The following QTGAL variants were observed in gnomAD, a reference collection of about 807,000 sequenced individuals.
QTGAL encodes BGnT-like protein 1.
At chr17:83,044,676 G>A in the QTGAL span, among the ~76,000 whole-genome samples, 3 of 152,250 alleles carry the variant, frequency 2.0e-5, no homozygotes, top group South Asian at 6.2e-4. Flanking sequence ...AGGCGCGGCG[G>A]CTCACGCCTG....
the QTGAL span, among the ~76,000 whole-genome samples, chr17:83,037,436 C>T: frequency 6.6e-6 from 1 of 152,238 alleles, no homozygotes; most frequent in East Asian, 1.9e-4. The surrounding 1 kb of genome is among the most constrained non-coding windows in gnomAD (Gnocchi z 5.2). Flanking sequence ...TAAAGTTTAG[C>T]CAGCTCAACC....
chr17:82,944,772 G>C, the QTGAL span: 1 of 152,228 alleles, frequency 6.6e-6, no homozygotes, highest in African/African-American at 2.4e-5. Flanking sequence ...TGGAGATCCT[G>C]AGGGTTTCTG....
At chr17:83,033,247 T>C in the QTGAL span, among the ~76,000 whole-genome samples, 10 of 152,326 alleles carry the variant, frequency 6.6e-5, no homozygotes, top group Admixed American at 5.2e-4. Flanking sequence ...GACTCCCCCA[T>C]GGAGACCTGC....
At chr17:83,042,224 A>G in the QTGAL span, among the ~76,000 whole-genome samples, 2 of 152,218 alleles carry the variant, frequency 1.3e-5, no homozygotes, top group Admixed American at 6.5e-5. Context: ...AAACTTACGC[A>G]GGCGTGCTGG....
At chr17:82,999,107 A>G in the QTGAL span, among the ~76,000 whole-genome samples, 1 of 152,364 alleles carries the variant, frequency 6.6e-6, no homozygotes, top group Non-Finnish European at 1.5e-5. Context: ...TCCCTACCAT[A>G]TGAACCAGCC....
chr17:82,954,521 C>T, the QTGAL span, among the ~76,000 whole-genome samples: 2 of 152,054 alleles, frequency 1.3e-5, no homozygotes, highest in African/African-American at 2.4e-5. Context: ...ATTCCATGCC[C>T]GTGGATAGGA....
chr17:82,952,345 C>CT, the QTGAL span, among the ~76,000 whole-genome samples: 4 of 152,174 alleles, frequency 2.6e-5, no homozygotes, highest in Admixed American at 1.3e-4. Context: ...CTGGCTCACT[C>CT]TATCAACCAC....
At chr17:82,994,103 T>G in the QTGAL span, among the ~76,000 whole-genome samples, 9 of 151,872 alleles carry the variant, frequency 5.9e-5, no homozygotes, top group African/African-American at 2.2e-4. Context: ...CTTAAGCAAC[T>G]AGAAAAGCAA....
chr17:83,051,769 A>T, the QTGAL span: 1 of 1,494,944 alleles, frequency 6.7e-7, no homozygotes, highest in East Asian at 2.8e-5. Context: ...CTCTCCTCGG[A>T]CGCCCCGCCC....
the QTGAL span, among the ~76,000 whole-genome samples, chr17:83,038,926 A>T: frequency 7.0e-6 from 1 of 143,024 alleles, no homozygotes; most frequent in African/African-American, 2.5e-5. Context: ...TACACACATT[A>T]CAGAAGCAAG....
chr17:82,970,686 G>A, the QTGAL span, among the ~76,000 whole-genome samples: 2 of 77,256 alleles, frequency 2.6e-5, no homozygotes, highest in Admixed American at 1.3e-4. Context: ...GCCGTGATGC[G>A]AGGCCTCTGC....
At chr17:82,942,226 C>A in the QTGAL span, 1 of 600,656 alleles carries the variant, frequency 1.7e-6, no homozygotes, top group Non-Finnish European at 2.9e-6. Flanking sequence ...CAGTGAACCT[C>A]CCTTCCCGCT....
At chr17:82,950,099 G>C in the QTGAL span, among the ~76,000 whole-genome samples, 1 of 152,238 alleles carries the variant, frequency 6.6e-6, no homozygotes, top group African/African-American at 2.4e-5. Flanking sequence ...CACGTGAAAA[G>C]AGCAAGAGAT....
At chr17:83,050,160 C>T in the QTGAL span, among the ~76,000 whole-genome samples, 1 of 152,108 alleles carries the variant, frequency 6.6e-6, no homozygotes, top group Non-Finnish European at 1.5e-5. Context: ...CATCTGATGT[C>T]GGGAGTTCAA....
the QTGAL span, among the ~76,000 whole-genome samples, chr17:83,027,501 G>A: frequency 4.6e-5 from 7 of 151,966 alleles, no homozygotes; most frequent in African/African-American, 1.5e-4. Flanking sequence ...AAATAAGTTG[G>A]ACTTCACTGA....
At chr17:82,994,890 C>G in the QTGAL span, among the ~76,000 whole-genome samples, 1 of 152,158 alleles carries the variant, frequency 6.6e-6, no homozygotes, top group Non-Finnish European at 1.5e-5. Flanking sequence ...TCAACATATG[C>G]AAATCAATTA....
chr17:82,957,071 G>A, the QTGAL span: 1 of 1,456,242 alleles, frequency 6.9e-7, no homozygotes, highest in African/African-American at 1.4e-5. Flanking sequence ...GCCCCGAGGA[G>A]CCAGCACGGC....
At chr17:82,981,911 A>G in the QTGAL span, among the ~76,000 whole-genome samples, 32 of 152,408 alleles carry the variant, frequency 2.1e-4, no homozygotes, top group African/African-American at 7.7e-4. Flanking sequence ...AAGTGTTACT[A>G]AGAAAATCAT....
the QTGAL span, among the ~76,000 whole-genome samples, chr17:82,976,326 G>A: frequency 2.2e-5 from 2 of 89,026 alleles, no homozygotes; most frequent in African/African-American, 7.1e-5. Context: ...CCACTTATGG[G>A]GAACGAGGGC....
Sources: allele counts gnomAD v4.1 joint callset (sites outside exome capture counted in the v4.1 genomes callset), GRCh38; gene constraint gnomAD v4.1.1; non-coding constraint Gnocchi (gnomAD v3.1); transcripts MANE v1.5; gene names NCBI Gene and HGNC (gene_info 2026-07-23, HGNC 2026-07-21).